The following LRRC8C variants were observed in gnomAD, a reference collection of about 807,000 sequenced individuals.
LRRC8C encodes leucine rich repeat containing 8 VRAC subunit C, also known as volume-regulated anion channel subunit LRRC8C.
Under a neutral mutation model 55.3 loss-of-function variants are expected in LRRC8C, and 20 were observed. The ratio of observed to expected loss-of-function variants is 0.36; its 90% CI spans 0.25 to 0.53. The LOEUF (loss-of-function observed/expected upper bound fraction) is 0.53, where lower values mean the gene tolerates loss of function less well. LRRC8C is among the 20% of genes least tolerant of loss of function. The pLI, the probability that LRRC8C is intolerant of heterozygous loss-of-function variation, is 0.92. For synonymous variants in LRRC8C, 376 were observed against 360.7 expected (o/e 1.04, Z -0.48); for missense variants, 659 against 951.4 (o/e 0.69, Z 4.04).
chr1:89,691,090 T>A (rs1273848493), intron 2 of LRRC8C, among the ~76,000 whole-genome samples: 2 of 152,138 alleles, frequency 1.3e-5, no homozygotes, highest in Non-Finnish European at 1.5e-5. Context: ...CAGCAATATA[T>A]CAGACACTCT....
chr1:89,635,201 T>C (rs1017826735), intron 1 of LRRC8C, among the ~76,000 whole-genome samples: 3 of 152,212 alleles, frequency 2.0e-5, no homozygotes, highest in Non-Finnish European at 2.9e-5. Context: ...GTTAGAAATA[T>C]GTTTAACTCC....
chr1:89,619,323 G>A, the LRRC8C span, among the ~76,000 whole-genome samples: 2 of 151,674 alleles, frequency 1.3e-5, no homozygotes, highest in Non-Finnish European at 2.9e-5. Flanking sequence ...TGATTTTAGT[G>A]TATCATGGGT....
intron 1 of LRRC8C, among the ~76,000 whole-genome samples, chr1:89,660,031 G>A (rs745857484): frequency 3.9e-5 from 6 of 152,194 alleles, no homozygotes; most frequent in Non-Finnish European, 7.3e-5. Flanking sequence ...GGACACTGCA[G>A]CTGTGGTCTG....
At position 89,718,115 on chromosome 1, in the gene LRRC8C, T is replaced by G. The variant is rs2101378419; in HGVS notation, c.*3133T>G. 6.6e-6 allele frequency: 1 copy of G among 152,318 alleles called. No homozygotes were observed. Among genetic ancestry groups the G allele is most frequent in the African/African-American group, 2.4e-5 (1 of 41,584 alleles). 9.4% of individuals were successfully genotyped at this position (152,318 alleles called of 1,614,324 possible). On this transcript the variant is annotated 3_prime_UTR_variant, in exon 3 of 3. Transcript: ENST00000370454. ...TGTTGGGTTTGATTTGCTTTTGTTT[T>G]TAATGCAGCTCTTTTAATATAAAGA...
In LRRC8C at chr1:89,713,538, A is replaced by G. The variant is rs761137527; in HGVS notation, c.968A>G (p.Tyr323Cys). ...AHLFSKLSFC[Y>C]LCFVSIYGLT... ...TTGTTCTCAAAACTGTCCTTTTGCT[A>G]TCTGTGCTTTGTTAGTATCTATGGA... The change falls in exon 3 of 3, where the codon TAT (tyrosine) becomes TGT (cysteine). Residue 323 changes from tyrosine to cysteine, a missense_variant. Physicochemically the swap from Tyr to Cys is radical, Grantham distance 194 (BLOSUM62 -2). This residue lies in a region of LRRC8C where 200 missense variants were observed against 360.5 expected (regional missense o/e 0.55). Coordinates refer to ENST00000370454, the MANE Select transcript of LRRC8C (RefSeq NM_032270.5). This position sits in a 1 kb window ranked among gnomAD's most constrained non-coding sequence, Gnocchi z 5.2. 1.4e-5 allele frequency: 22 copies of G among 1,614,032 alleles called. No individual in the cohort carries two copies. The highest frequency in any genetic ancestry group is 1.1e-5 in the Non-Finnish European group (13 of 1,180,034).
chr1:89,670,672 C>G (rs965240315), intron 1 of LRRC8C, among the ~76,000 whole-genome samples: 1 of 152,152 alleles, frequency 6.6e-6, no homozygotes, highest in African/African-American at 2.4e-5. Context: ...CTTTACAAAT[C>G]TATTTGGTTC....
Position 89,714,099 on chromosome 1 carries a change from T to C in LRRC8C, c.1529T>C (p.Met510Thr), listed in dbSNP as rs1658737361. 5 of 1,613,974 alleles carry C rather than the reference T, an allele frequency of 3.1e-6. No individual in the cohort carries two copies. The South Asian group carries it at 5.5e-5, about 18-fold the overall frequency. The change falls in exon 3 of 3, where the codon ATG becomes ACG. Residue 510 changes from methionine (M) to threonine (T), a missense_variant. Met to Thr is a moderately conservative substitution (Grantham distance 81). This residue lies in a region of LRRC8C where 344 missense variants were observed against 464.6 expected (regional missense o/e 0.74). Coordinates refer to ENST00000370454, the MANE Select transcript of LRRC8C (RefSeq NM_032270.5). The surrounding 1 kb of genome is among the most constrained non-coding windows in gnomAD (Gnocchi z 4.6). ...GACATGAGGGAACTCCCCCCCTGGA[T>C]GTATGGGCTCCGAAATCTGGAAGAG... is the stretch of plus-strand genomic sequence containing the variant. ...FDDMRELPPW[M>T]YGLRNLEELY...
rs771955175 is a variant in LRRC8C, at chr1:89,659,048, GTTTTTT to G, written c.-5+25735_-5+25740del. ...AAATTTTAGGTTGTGTCTTCTCCAGGTTTTTTTTTTTTTTGTGTGTGTGTGTGTGTG... is the reference window on the plus strand; with the variant it reads ...AAATTTTAGGTTGTGTCTTCTCCAGGTTTTTTTTGTGTGTGTGTGTGTGTG... On this transcript the variant is annotated intron_variant, in intron 1 of 2. Transcript: ENST00000370454. Among the ~76,000 whole-genome samples the G allele has an allele frequency of 8.5e-3, 221 of 26,130 alleles. 7 individuals are homozygous for G. The highest frequency in any genetic ancestry group is 0.016 in the Admixed American group (38 of 2,372). 17.1% of individuals were successfully genotyped at this position (26,130 alleles called of 152,430 possible). A position where few individuals can be genotyped will look rare whatever the true frequency, so the allele number is the denominator to read the frequency against.
At chr1:89,630,507 C>T (rs1234521145), upstream of LRRC8C, among the ~76,000 whole-genome samples, 1 of 152,150 alleles carries the variant, frequency 6.6e-6, no homozygotes, top group Non-Finnish European at 1.5e-5. Context: ...CTCTGGAAGT[C>T]CAATTAGAAT....
chr1:89,674,524 T>G (rs764845992), intron 1 of LRRC8C, among the ~76,000 whole-genome samples: 4 of 152,214 alleles, frequency 2.6e-5, no homozygotes, highest in African/African-American at 4.8e-5. Context: ...CATTAAATAT[T>G]CATTAGCTGG....
At chr1:89,630,227 T>C (rs1656070803), upstream of LRRC8C, among the ~76,000 whole-genome samples, 1 of 151,858 alleles carries the variant, frequency 6.6e-6, no homozygotes, top group Non-Finnish European at 1.5e-5. Flanking sequence ...AAAACAACAA[T>C]GTGACACAAT....
At chr1:89,680,139 G>A (rs902018548) in intron 1 of LRRC8C, among the ~76,000 whole-genome samples, 7 of 150,390 alleles carry the variant, frequency 4.7e-5, no homozygotes, top group South Asian at 4.2e-4. Context: ...ATGCAGTGGC[G>A]CAATCTCAGC....
At chr1:89,667,699 C>A (rs1414689388) in intron 1 of LRRC8C, among the ~76,000 whole-genome samples, 8 of 152,104 alleles carry the variant, frequency 5.3e-5, no homozygotes, top group African/African-American at 1.4e-4. Flanking sequence ...AAGCCACATT[C>A]CCTTAAAAGA....
chr1:89,645,115 TA>T (rs1321478401), intron 1 of LRRC8C, among the ~76,000 whole-genome samples: 1 of 152,194 alleles, frequency 6.6e-6, no homozygotes, highest in Admixed American at 6.6e-5. Flanking sequence ...TAATAAATTT[TA>T]AAACTGCTAT....
the LRRC8C span, among the ~76,000 whole-genome samples, chr1:89,618,159 A>G: frequency 1.9e-3 from 287 of 152,296 alleles, 3 homozygotes; most frequent in Middle Eastern, 6.8e-3. Context: ...TGAGCACGCT[A>G]ATCCCATGGT....
At chr1:89,699,930 T>C (rs1410527246) in intron 2 of LRRC8C, among the ~76,000 whole-genome samples, 1 of 152,236 alleles carries the variant, frequency 6.6e-6, no homozygotes. Context: ...AAACACAGTC[T>C]ACATTTTCAG....
the LRRC8C span, among the ~76,000 whole-genome samples, chr1:89,619,443 A>G: frequency 6.7e-6 from 1 of 150,006 alleles, no homozygotes; most frequent in South Asian, 2.1e-4. Flanking sequence ...TACATAAATG[A>G]ATACAAATTT....
the LRRC8C span, among the ~76,000 whole-genome samples, chr1:89,622,636 A>T: frequency 1.3e-5 from 2 of 152,006 alleles, no homozygotes; most frequent in Non-Finnish European, 2.9e-5. Flanking sequence ...CCTGGCCTAC[A>T]TGTGAAATCT....
chr1:89,634,310 A>C (rs772943922), intron 1 of LRRC8C, among the ~76,000 whole-genome samples: 3 of 152,230 alleles, frequency 2.0e-5, no homozygotes, highest in Admixed American at 6.5e-5. Context: ...AATAAGAACC[A>C]ATCCATCTTT....
Sources: gnomAD v4.1 joint callset for allele counts (sites outside exome capture counted in the v4.1 genomes callset) on GRCh38, gnomAD v4.1.1 for gene constraint, gnomAD v4.1.1 regional missense constraint, Gnocchi (gnomAD v3.1) non-coding constraint, MANE v1.5 for transcripts, NCBI Gene and HGNC (gene_info 2026-07-23, HGNC 2026-07-21) for gene names.